The following HRH1 variants were observed in gnomAD, a reference collection of about 807,000 sequenced individuals.
HRH1 encodes the protein histamine receptor H1.
In HRH1, 6 loss-of-function variants were observed where a neutral mutation model predicts 10.3. That is an observed-to-expected ratio of 0.58 (90% CI 0.32 to 1.15). The LOEUF (loss-of-function observed/expected upper bound fraction) is 1.15. HRH1 is among the 50% of genes most tolerant of loss of function. The pLI is 0.05. For synonymous variants in HRH1, 242 were observed against 236.7 expected (o/e 1.02, Z -0.21); for missense variants, 514 against 615.3 (o/e 0.84, Z 1.74).
At position 11,146,152 on chromosome 3, in the gene HRH1, T is replaced by C. The variant is rs188151274; in HGVS notation, c.-36+8753T>C. ...GGAGTTTTCCAAGGGATCGGTATCA[T>C]TTTGCATTCCCATCAGTCACGTATG... is the stretch of plus-strand genomic sequence containing the variant. On this transcript the variant is annotated intron_variant, in intron 1 of 1. Transcript: ENST00000438284. Among the ~76,000 whole-genome samples, 376 of 152,330 alleles carry C rather than the reference T, an allele frequency of 2.5e-3. 2 individuals carry two copies. The highest frequency in any genetic ancestry group is 6.8e-3 in the Middle Eastern group (2 of 294).
intron 1 of HRH1, among the ~76,000 whole-genome samples, chr3:11,197,049 C>A (rs987508561): frequency 1.3e-5 from 2 of 148,976 alleles, no homozygotes; most frequent in Admixed American, 6.7e-5. Flanking sequence ...GGCGTGAACT[C>A]AGGAGGCGGA....
At chr3:11,143,603 T>C (rs1180147047) in intron 1 of HRH1, among the ~76,000 whole-genome samples, 2 of 152,230 alleles carry the variant, frequency 1.3e-5, no homozygotes, top group Admixed American at 1.3e-4. Flanking sequence ...AAACTCACCC[T>C]GGCATTCCAG....
At chr3:11,183,406 C>T (rs1296526124) in intron 1 of HRH1, among the ~76,000 whole-genome samples, 4 of 152,134 alleles carry the variant, frequency 2.6e-5, no homozygotes, top group Admixed American at 6.5e-5. Flanking sequence ...TTTTGGCTGT[C>T]AGAACTCACA....
intron 1 of HRH1, among the ~76,000 whole-genome samples, chr3:11,237,800 C>A (rs367738019): frequency 6.6e-6 from 1 of 150,938 alleles, no homozygotes; most frequent in African/African-American, 2.4e-5. Context: ...CTCAGCCTCC[C>A]GAGTAGCTGG....
intron 1 of HRH1, among the ~76,000 whole-genome samples, chr3:11,234,990 C>T (rs381758): frequency 2.5e-4 from 38 of 152,024 alleles, no homozygotes; most frequent in African/African-American, 8.4e-4. Context: ...CTGAGGTGGG[C>T]GGATCACGAG....
intron 1 of HRH1, among the ~76,000 whole-genome samples, chr3:11,217,691 C>CTTA (rs1393707169): frequency 2.0e-5 from 3 of 152,156 alleles, no homozygotes; most frequent in African/African-American, 4.8e-5. Context: ...CTGATCTGTA[C>CTTA]ACTTTAAAAT....
intron 1 of HRH1, among the ~76,000 whole-genome samples, chr3:11,138,984 T>C (rs1464299915): frequency 1.5e-5 from 2 of 130,296 alleles, no homozygotes; most frequent in African/African-American, 6.2e-5. Context: ...CATAGCTGCA[T>C]TGTTCTTTTT....
At chr3:11,217,395 G>T (rs1410624712) in intron 1 of HRH1, among the ~76,000 whole-genome samples, 2 of 152,010 alleles carry the variant, frequency 1.3e-5, no homozygotes, top group Admixed American at 1.3e-4. Flanking sequence ...CCGGCATGAT[G>T]GCAGGTGCCT....
At chr3:11,144,477 A>ACATCTATAGG (rs1471746216) in intron 1 of HRH1, among the ~76,000 whole-genome samples, 1 of 149,046 alleles carries the variant, frequency 6.7e-6, no homozygotes, top group Non-Finnish European at 1.5e-5. Flanking sequence ...ATATAGACAT[A>ACATCTATAGG]TATATACACA....
chr3:11,201,905 T>C (rs1274833709), intron 1 of HRH1, among the ~76,000 whole-genome samples: 1 of 152,168 alleles, frequency 6.6e-6, no homozygotes, highest in East Asian at 1.9e-4. Context: ...CCTGTGGCAG[T>C]GTTGGGCAGT....
intron 1 of HRH1, among the ~76,000 whole-genome samples, chr3:11,240,320 A>G (rs2152579584): frequency 6.6e-6 from 1 of 152,242 alleles, no homozygotes; most frequent in South Asian, 2.1e-4. Context: ...TGAATAATTG[A>G]CAGCATTTAA....
intron 1 of HRH1, among the ~76,000 whole-genome samples, chr3:11,202,591 T>C (rs1441195941): frequency 1.3e-5 from 2 of 152,128 alleles, no homozygotes; most frequent in Non-Finnish European, 2.9e-5. Flanking sequence ...TTGTTTTGTT[T>C]TAACGAAGAC....
At chr3:11,202,187 T>C (rs1463642642) in intron 1 of HRH1, among the ~76,000 whole-genome samples, 1 of 152,214 alleles carries the variant, frequency 6.6e-6, no homozygotes, top group Non-Finnish European at 1.5e-5. Context: ...GCAGATCATG[T>C]GAGGTCAGGA....
At position 11,140,970 on chromosome 3, in the gene HRH1, C is replaced by T. The variant is rs572887480; in HGVS notation, c.-36+3571C>T. Among the ~76,000 whole-genome samples, 160 of 152,300 alleles carry T rather than the reference C, an allele frequency of 1.1e-3. 3 individuals are homozygous for T. Among genetic ancestry groups the T allele is most frequent in the African/African-American group, 3.7e-3 (153 of 41,566 alleles). On this transcript the variant is annotated intron_variant, in intron 1 of 1. Transcript: ENST00000438284. ...TCTGAACTTTCTCCCCTTGATTAAG[C>T]AGGTGCTCAAGGGCAGGGAAGGTGT...
upstream of HRH1, among the ~76,000 whole-genome samples, chr3:11,153,662 C>G (rs766058096): frequency 2.6e-5 from 4 of 152,132 alleles, no homozygotes; most frequent in African/African-American, 4.8e-5. Context: ...ACCTCGACCT[C>G]TCTCTCCCAG....
At chr3:11,237,506 C>G (rs1335126233) in intron 1 of HRH1, among the ~76,000 whole-genome samples, 1 of 152,016 alleles carries the variant, frequency 6.6e-6, no homozygotes, top group Non-Finnish European at 1.5e-5. Context: ...CCTCTCTTTC[C>G]ACATCATTAA....
chr3:11,200,115 C>A (rs1937846067), intron 1 of HRH1, among the ~76,000 whole-genome samples: 1 of 152,120 alleles, frequency 6.6e-6, no homozygotes, highest in African/African-American at 2.4e-5. Context: ...TGGGTGTGAC[C>A]TCCGGGGCTG....
intron 1 of HRH1, among the ~76,000 whole-genome samples, chr3:11,181,988 CT>C (rs1271970271): frequency 2.0e-5 from 3 of 151,402 alleles, no homozygotes; most frequent in African/African-American, 7.3e-5. Context: ...AAAATTCTTT[CT>C]TTTATGTTTC....
chr3:11,181,186 G>A (rs1370282370), intron 1 of HRH1, among the ~76,000 whole-genome samples: 1 of 152,182 alleles, frequency 6.6e-6, no homozygotes, highest in African/African-American at 2.4e-5. Context: ...AGGAGGCTGA[G>A]AGGCAGGAGG....
Sources: allele counts gnomAD v4.1 joint callset (sites outside exome capture counted in the v4.1 genomes callset), GRCh38; gene constraint gnomAD v4.1.1; transcripts MANE v1.5; gene names NCBI Gene and HGNC (gene_info 2026-07-23, HGNC 2026-07-21).